The following PTK2B variants were observed in gnomAD, a reference collection of about 807,000 sequenced individuals.
The protein encoded by PTK2B is protein tyrosine kinase 2 beta, also known as protein-tyrosine kinase 2-beta.
Under a neutral mutation model 142.9 loss-of-function variants are expected in PTK2B, and 71 were observed. The ratio of observed to expected loss-of-function variants is 0.50; its 90% CI spans 0.41 to 0.61. PTK2B has a LOEUF of 0.61. Among genes scored for constraint, PTK2B ranks in the 20% least tolerant of loss-of-function variants. The pLI is 0.00. For synonymous variants in PTK2B, 519 were observed against 503.4 expected, an observed-to-expected ratio of 1.03 and a Z score of -0.42; for missense variants, 1,105 against 1,320.4, an observed-to-expected ratio of 0.84 and a Z score of 2.53.
intron 5 of PTK2B, among the ~76,000 whole-genome samples, chr8:27,428,399 C>T (rs751714995): frequency 6.6e-6 from 1 of 152,212 alleles, no homozygotes; most frequent in Non-Finnish European, 1.5e-5. Flanking sequence ...TTCTGGTTTC[C>T]AATACCGCAC....
intron 24 of PTK2B, 54 bp downstream of exon 24, chr8:27,445,973 G>A (rs1811448077): frequency 3.1e-6 from 5 of 1,606,166 alleles, no homozygotes; most frequent in Non-Finnish European, 4.2e-6. Flanking sequence ...CTGCTGGAGG[G>A]AGGTGGCCGG....
chr8:27,450,821 C>A lies in PTK2B; in HGVS notation c.2413C>A (p.Arg805=). The change falls in exon 25 of 31, where the codon CGG becomes AGG. Residue 805 remains arginine, a synonymous_variant. Coordinates refer to ENST00000346049, the MANE Select transcript of PTK2B (RefSeq NM_173176.3). ...QLWEAEKVKM[R]QILDKQQKQM... ...GTGGGAGGCTGAAAAGGTCAAAATG[C>A]GGCAAATCCTGGACAAACAGCAGAA... The A allele has an allele frequency of 6.2e-7, 1 of 1,614,148 alleles. No homozygotes were observed. The highest frequency in any genetic ancestry group is 1.6e-4 in the Middle Eastern group (1 of 6,062).
At position 27,350,993 on chromosome 8, in the gene PTK2B, ATATATATATATATATATATAT is replaced by A. The variant is rs1805045129; in HGVS notation, c.-38+25313_-38+25333del. 1.7e-3 allele frequency among the ~76,000 whole-genome samples: 19 copies of A among 11,458 alleles called. 2 individuals carry two copies. The highest frequency in any genetic ancestry group is 2.5e-3 in the Non-Finnish European group (15 of 5,892). The allele number at this position is 11,458 out of a possible 152,430, so 7.5% of individuals were successfully genotyped here. ...TCCGTCTCAAAAAAAAAAAAAAAAT[ATATATATATATATATATATAT>A]ATATATATATATATATATATATATA... On this transcript the variant is annotated intron_variant, in intron 1 of 30. Coordinates refer to ENST00000346049, the MANE Select transcript of PTK2B (RefSeq NM_173176.3).
chr8:27,434,617 C>A, intron 13 of PTK2B, 58 bp downstream of exon 13: 1 of 1,543,432 alleles, frequency 6.5e-7, no homozygotes, highest in East Asian at 2.4e-5. Flanking sequence ...GCTTGCTCCC[C>A]ACTGCTTGCT....
chr8:27,368,617 C>T (rs1806158112), intron 1 of PTK2B, among the ~76,000 whole-genome samples: 1 of 152,256 alleles, frequency 6.6e-6, no homozygotes, highest in Non-Finnish European at 1.5e-5. Context: ...TGTGCAATCA[C>T]ACACAAGCTC....
intron 10 of PTK2B, among the ~76,000 whole-genome samples, chr8:27,432,767 G>GCAGAGTGTT (rs58965391): frequency 2.0e-5 from 3 of 151,454 alleles, no homozygotes; most frequent in African/African-American, 7.3e-5. Flanking sequence ...ACCTCAGGCT[G>GCAGAGTGTT]CATCTCTCTC....
chr8:27,404,489 C>T (rs1031215720), intron 2 of PTK2B, among the ~76,000 whole-genome samples: 4 of 152,178 alleles, frequency 2.6e-5, no homozygotes, highest in Non-Finnish European at 5.9e-5. Flanking sequence ...CTGCAGCCAT[C>T]CTGTGCCCTC....
In PTK2B at chr8:27,397,531, C is replaced by T; in HGVS notation, c.-37-17C>T. 6.3e-7 allele frequency: 1 copy of T among 1,590,990 alleles called. No homozygotes were observed. Among genetic ancestry groups the T allele is most frequent in the Non-Finnish European group, 8.6e-7 (1 of 1,161,134 alleles). On this transcript the variant is annotated splice_polypyrimidine_tract_variant and intron_variant, in intron 1 of 30. Coordinates refer to ENST00000346049, the MANE Select transcript of PTK2B (RefSeq NM_173176.3). ...GTGTGGGGCTCTTTCAGGGCTGACC[C>T]TCTGCTGTCTCTGCAGGACTGCAAT...
At chr8:27,366,301 A>G (rs1053633273) in intron 1 of PTK2B, among the ~76,000 whole-genome samples, 3 of 152,032 alleles carry the variant, frequency 2.0e-5, no homozygotes. Context: ...GAGGCTGTCT[A>G]CTTCTTTTGG....
intron 1 of PTK2B, 150 bp from the exon 2 acceptor site, chr8:27,397,398 G>A: frequency 3.2e-6 from 2 of 630,710 alleles, no homozygotes; most frequent in East Asian, 2.7e-5. Flanking sequence ...AGTCAAGAGA[G>A]CCAGGTGCCT....
upstream of PTK2B, chr8:27,310,684 G>T (rs944349745): frequency 1.6e-6 from 2 of 1,220,742 alleles, no homozygotes; most frequent in South Asian, 1.5e-5. Context: ...CCTGCATGCT[G>T]GGAGCGAGAC....
At chr8:27,371,273 A>G (rs1806340086) in intron 1 of PTK2B, among the ~76,000 whole-genome samples, 1 of 152,122 alleles carries the variant, frequency 6.6e-6, no homozygotes, top group Admixed American at 6.5e-5. Context: ...CTTGCTGAGC[A>G]TTGAGGGAGC....
At chr8:27,414,536 G>A (rs545992606) in intron 2 of PTK2B, among the ~76,000 whole-genome samples, 9 of 142,628 alleles carry the variant, frequency 6.3e-5, no homozygotes, top group African/African-American at 2.1e-4. Flanking sequence ...ATGAGCCACC[G>A]CGCCTGGCCG....
chr8:27,371,577 T>G (rs1806363304), intron 1 of PTK2B, among the ~76,000 whole-genome samples: 1 of 151,434 alleles, frequency 6.6e-6, no homozygotes, highest in Middle Eastern at 3.4e-3. Context: ...AGACAGAGTC[T>G]CACTCTGTCA....
chr8:27,381,796 T>G (rs553672313), intron 1 of PTK2B, among the ~76,000 whole-genome samples: 18 of 152,370 alleles, frequency 1.2e-4, no homozygotes, highest in African/African-American at 4.3e-4. Context: ...GAGTTCTCTT[T>G]TCTCAACATC....
At chr8:27,437,634 G>T in intron 17 of PTK2B, 131 bp from the exon 18 acceptor site, 1 of 1,221,118 alleles carries the variant, frequency 8.2e-7, no homozygotes, top group Non-Finnish European at 1.2e-6. Flanking sequence ...GAAATTGCTG[G>T]AACATTTTGC....
At chr8:27,385,621 G>A (rs114161532) in intron 1 of PTK2B, among the ~76,000 whole-genome samples, 5 of 152,106 alleles carry the variant, frequency 3.3e-5, no homozygotes, top group South Asian at 2.1e-4. Context: ...GGCCGGGCGC[G>A]ATGGCCCATG....
At chr8:27,374,504 G>T (rs1459723838) in intron 1 of PTK2B, among the ~76,000 whole-genome samples, 20 of 152,190 alleles carry the variant, frequency 1.3e-4, no homozygotes, top group Non-Finnish European at 1.5e-5. Context: ...TGATTTCTGT[G>T]GGAAGGAACA....
At chr8:27,426,513 C>G (rs752752957) in intron 5 of PTK2B, among the ~76,000 whole-genome samples, 3 of 152,234 alleles carry the variant, frequency 2.0e-5, no homozygotes, top group Non-Finnish European at 4.4e-5. Context: ...AGCTACCTTA[C>G]TGGGGAGAGC....
Sources: allele counts gnomAD v4.1 joint callset (sites outside exome capture counted in the v4.1 genomes callset), GRCh38; gene constraint gnomAD v4.1.1; transcripts MANE v1.5; gene names NCBI Gene and HGNC (gene_info 2026-07-23, HGNC 2026-07-21).